Variants in KIF15 observed in about 807,000 individuals in gnomAD.
KIF15 encodes the protein kinesin family member 15, also known as kinesin-like protein KIF15.
Under a neutral mutation model 190.6 loss-of-function variants are expected in KIF15, and 140 were observed. That is an observed-to-expected ratio of 0.73 (90% CI 0.64 to 0.84). The LOEUF (loss-of-function observed/expected upper bound fraction) is 0.84. Ranked by LOEUF, KIF15 falls within the 40% of genes least tolerant of loss-of-function variation. The pLI, the probability that KIF15 is intolerant of heterozygous loss-of-function variation, is 0.00. For missense variants in KIF15, 1,372 were observed against 1,584.4 expected (o/e 0.87, Z 2.28); for synonymous variants, 528 against 551.3 (o/e 0.96, Z 0.59).
intron 1 of KIF15, among the ~76,000 whole-genome samples, chr3:44,772,262 G>A (rs1021096471): frequency 2.6e-5 from 4 of 152,286 alleles, no homozygotes; most frequent in Admixed American, 6.5e-5. Flanking sequence ...TAGTAAACAG[G>A]TATAGCTAGA....
chr3:44,812,877 C>T (rs987820932), intron 18 of KIF15, among the ~76,000 whole-genome samples, 198 bp from the exon 19 acceptor site: 29 of 151,902 alleles, frequency 1.9e-4, no homozygotes, highest in African/African-American at 6.8e-4. Context: ...CACAGCTACT[C>T]AGGAGGCTGA....
chr3:44,858,647 G>A (rs1699210962), intron 6 of KIF15, among the ~76,000 whole-genome samples: 1 of 152,166 alleles, frequency 6.6e-6, no homozygotes, highest in Admixed American at 6.5e-5. Context: ...AAATATTTCA[G>A]CCTAATAAGG....
At chr3:44,800,887 C>T (rs1372475025) in intron 11 of KIF15, among the ~76,000 whole-genome samples, 1 of 152,004 alleles carries the variant, frequency 6.6e-6, no homozygotes, top group Admixed American at 6.6e-5. Flanking sequence ...ACTTCTACTT[C>T]TGTTACACCA....
Position 44,786,532 on chromosome 3 carries a change from T to C in KIF15, c.597T>C (p.Gly199=), listed in dbSNP as rs755401515. The change falls in exon 7 of 35, where the codon GGT becomes GGC. Residue 199 remains glycine (G), a synonymous_variant. Coordinates refer to ENST00000326047, the MANE Select transcript of KIF15 (RefSeq NM_020242.3). The part of the protein sequence containing the change: ...EHIKKGVFVV[G]AVEQVVTSAA... The stretch of plus-strand genomic sequence containing the variant: ...TCAAGAAGGGAGTCTTTGTTGTTGG[T>C]GCGGTGGAGCAGGTGGTAACCTCAG... 6.2e-7 allele frequency: 1 copy of C among 1,613,118 alleles called. No individual in the cohort carries two copies. Among genetic ancestry groups the C allele is most frequent in the Non-Finnish European group, 8.5e-7 (1 of 1,179,358 alleles).
chr3:44,833,883 T>C (rs575664590), intron 26 of KIF15, among the ~76,000 whole-genome samples: 1 of 152,226 alleles, frequency 6.6e-6, no homozygotes, highest in South Asian at 2.1e-4. Context: ...CAACCTAGGG[T>C]CCCCTACAAA....
chr3:44,791,427 T>G (rs1706692022), intron 7 of KIF15, among the ~76,000 whole-genome samples: 1 of 152,226 alleles, frequency 6.6e-6, no homozygotes, highest in Non-Finnish European at 1.5e-5. Flanking sequence ...TTTTAACAAT[T>G]ATTTTGGTTA....
At chr3:44,818,323 T>A (rs1027630764) in intron 20 of KIF15, among the ~76,000 whole-genome samples, 2 of 152,224 alleles carry the variant, frequency 1.3e-5, no homozygotes, top group South Asian at 2.1e-4. Context: ...CTTGTGCCAG[T>A]TTTCAAAGGG....
chr3:44,786,012 C>T (rs1382299894), intron 6 of KIF15, among the ~76,000 whole-genome samples: 1 of 152,104 alleles, frequency 6.6e-6, no homozygotes, highest in Non-Finnish European at 1.5e-5. Context: ...GTCAGGAGAT[C>T]GAGACCATCC....
intron 7 of KIF15, among the ~76,000 whole-genome samples, chr3:44,787,419 C>T (rs747778494): frequency 8.5e-5 from 13 of 152,146 alleles, no homozygotes; most frequent in African/African-American, 2.4e-4. Flanking sequence ...ATGAAATCTA[C>T]GTTGCATTTC....
chr3:44,831,061 T>G, intron 26 of KIF15, 43 bp downstream of exon 26: 1 of 1,593,692 alleles, frequency 6.3e-7, no homozygotes, highest in Non-Finnish European at 8.6e-7. Flanking sequence ...GCCTTATTAC[T>G]TGTCAATATG....
intron 14 of KIF15, among the ~76,000 whole-genome samples, chr3:44,803,409 GCA>G (rs761055959): frequency 6.6e-6 from 1 of 152,206 alleles, no homozygotes; most frequent in Non-Finnish European, 1.5e-5. Flanking sequence ...CAGACTCATA[GCA>G]CAGTGTTTGG....
chr3:44,825,872 G>C (rs1315347491), intron 20 of KIF15, among the ~76,000 whole-genome samples, 167 bp from the exon 21 acceptor site: 2 of 152,136 alleles, frequency 1.3e-5, no homozygotes, highest in African/African-American at 4.8e-5. Flanking sequence ...TCACATGTTT[G>C]TGCATCATGG....
At position 44,840,547 on chromosome 3, in the gene KIF15, T is replaced by C. The variant is rs1047342453; in HGVS notation, c.3420+91T>C. ...ATTAGGAAGAACATACCTTTGTCTT[T>C]TTAAAGAAAAAGATTTTCACTAATA... On this transcript the variant is annotated intron_variant, in intron 28 of 34. Coordinates refer to ENST00000326047, the MANE Select transcript of KIF15 (RefSeq NM_020242.3). 12 of 807,420 alleles carry C rather than the reference T, an allele frequency of 1.5e-5. No homozygotes were observed. The East Asian group carries it at 2.6e-4, about 18-fold the overall frequency. 50.0% of individuals were successfully genotyped at this position (807,420 alleles called of 1,614,324 possible).
Position 44,823,687 on chromosome 3 carries a change from C to G in KIF15, c.2550-2352C>G, listed in dbSNP as rs566576960. Reference sequence around the variant, plus strand: ...CTCCACCCAGTTCAAGCTTCCAGGCCGCTTTGTTTACCTACTCAAGCCTCA... The same window carrying G: ...CTCCACCCAGTTCAAGCTTCCAGGCGGCTTTGTTTACCTACTCAAGCCTCA... On this transcript the variant is annotated intron_variant, in intron 20 of 34. Transcript: ENST00000326047. 1.3e-3 allele frequency among the ~76,000 whole-genome samples: 193 copies of G among 152,296 alleles called. 1 individual carries two copies. The highest frequency in any genetic ancestry group is 4.6e-3 in the African/African-American group (190 of 41,568).
chr3:44,784,698 T>C (rs1434273248), intron 5 of KIF15, 147 bp from the exon 6 acceptor site: 5 of 588,592 alleles, frequency 8.5e-6, no homozygotes, highest in Non-Finnish European at 1.5e-5. Flanking sequence ...AAATTTCAAT[T>C]TCTCTCACAG....
At chr3:44,769,090 A>G (rs917819484) in intron 1 of KIF15, among the ~76,000 whole-genome samples, 1 of 152,142 alleles carries the variant, frequency 6.6e-6, no homozygotes, top group African/African-American at 2.4e-5. Flanking sequence ...GCTATTCTCA[A>G]GTTTAAGGTT....
chr3:44,835,373 G>A (rs1698260921), intron 26 of KIF15, among the ~76,000 whole-genome samples: 1 of 151,972 alleles, frequency 6.6e-6, no homozygotes, highest in African/African-American at 2.4e-5. Context: ...CCAAGTAGCT[G>A]GGACTACAGA....
intron 4 of KIF15, 95 bp from the exon 5 acceptor site, chr3:44,780,790 C>CT: frequency 1.3e-6 from 1 of 766,834 alleles, no homozygotes; most frequent in Non-Finnish European, 2.1e-6. Context: ...AATAAGCTAA[C>CT]TTTTTGTGGA....
At chr3:44,816,783 TTTCTAG>T (rs1283537400) in intron 20 of KIF15, among the ~76,000 whole-genome samples, 14 of 152,230 alleles carry the variant, frequency 9.2e-5, no homozygotes. Context: ...TCAAATGGTA[TTTCTAG>T]TTCTAGATCC....
Sources: allele counts gnomAD v4.1 joint callset (sites outside exome capture counted in the v4.1 genomes callset), GRCh38; gene constraint gnomAD v4.1.1; transcripts MANE v1.5; gene names NCBI Gene and HGNC (gene_info 2026-07-23, HGNC 2026-07-21).